TANGO6: variants seen among roughly 807,000 people sequenced by gnomAD.
The protein encoded by TANGO6 is transport and golgi organization 6 homolog.
Under a neutral mutation model 114.2 loss-of-function variants are expected in TANGO6, and 90 were observed. The ratio of observed to expected loss-of-function variants is 0.79; its 90% confidence interval spans 0.66 to 0.94. TANGO6 has a LOEUF of 0.94. Ranked by LOEUF, TANGO6 falls within the 40% of genes least tolerant of loss-of-function variation. TANGO6 has a pLI of 0.00. For synonymous variants in TANGO6, 477 were observed against 509.8 expected, an observed-to-expected ratio of 0.94 and a Z score of 0.87; for missense variants, 1,274 against 1,315.3, an observed-to-expected ratio of 0.97 and a Z score of 0.49.
intron 17 of TANGO6, among the ~76,000 whole-genome samples, chr16:69,078,842 A>G (rs1319156423): frequency 6.6e-6 from 1 of 151,966 alleles, no homozygotes; most frequent in Non-Finnish European, 1.5e-5. Context: ...CCTTGGTTCC[A>G]GTGATTCTCC....
chr16:68,873,003 A>T (rs867842951), intron 4 of TANGO6, among the ~76,000 whole-genome samples: 2 of 151,580 alleles, frequency 1.3e-5, no homozygotes, highest in African/African-American at 4.8e-5. Context: ...GCACCCGGCC[A>T]GAAGTCACTT....
chr16:68,909,572 C>T (rs376870939), intron 11 of TANGO6, 170 bp downstream of exon 11: 19 of 508,098 alleles, frequency 3.7e-5, no homozygotes, highest in South Asian at 2.9e-4. Context: ...GAATCCAAAA[C>T]GTTCCAGTGT....
chr16:69,054,877 C>T (rs540202675), intron 17 of TANGO6, among the ~76,000 whole-genome samples: 46 of 140,526 alleles, frequency 3.3e-4, no homozygotes, highest in African/African-American at 1.1e-3. Context: ...GGAGGCGGAG[C>T]TTGCAGTGAG....
At chr16:68,950,432 A>G (rs1044471544) in intron 14 of TANGO6, among the ~76,000 whole-genome samples, 5 of 151,900 alleles carry the variant, frequency 3.3e-5, no homozygotes, top group Admixed American at 2.6e-4. Flanking sequence ...TGGGCATAGT[A>G]TGGGTTCCTA....
At chr16:69,072,110 A>G (rs1254688444) in intron 17 of TANGO6, among the ~76,000 whole-genome samples, 1 of 134,032 alleles carries the variant, frequency 7.5e-6, no homozygotes, top group Non-Finnish European at 1.6e-5. Flanking sequence ...ATGTGTGAAG[A>G]GAGAGGGAGA....
intron 9 of TANGO6, among the ~76,000 whole-genome samples, chr16:68,903,092 G>A (rs1312416713): frequency 6.6e-6 from 1 of 152,134 alleles, no homozygotes; most frequent in Non-Finnish European, 1.5e-5. Flanking sequence ...GTTGGTCATA[G>A]TCCATGTAAC....
At chr16:68,986,711 C>A (rs963328180) in intron 15 of TANGO6, among the ~76,000 whole-genome samples, 6 of 152,080 alleles carry the variant, frequency 3.9e-5, no homozygotes, top group Non-Finnish European at 5.9e-5. Flanking sequence ...TCAAGACCTG[C>A]CTGGCCAATG....
intron 12 of TANGO6, among the ~76,000 whole-genome samples, chr16:68,922,939 GTTTTTTTTTTTT>G (rs531603542): frequency 1.6e-4 from 13 of 79,052 alleles, no homozygotes; most frequent in African/African-American, 5.8e-4. Context: ...CTTAGGTCAT[GTTTTTTTTTTTT>G]TTTTTTTTTT....
intron 17 of TANGO6, among the ~76,000 whole-genome samples, chr16:69,045,167 A>AAG (rs1464842399): frequency 6.7e-6 from 1 of 150,072 alleles, no homozygotes; most frequent in Non-Finnish European, 1.5e-5. Flanking sequence ...AAAAAAAAAA[A>AAG]AAAAAAGCTG....
At chr16:68,876,493 G>T (rs1449051556) in intron 5 of TANGO6, among the ~76,000 whole-genome samples, 1 of 152,058 alleles carries the variant, frequency 6.6e-6, no homozygotes, top group Non-Finnish European at 1.5e-5. Flanking sequence ...ATAGCATGCA[G>T]CATGCCCTCT....
intron 1 of TANGO6, among the ~76,000 whole-genome samples, chr16:68,847,669 G>A (rs1961835003): frequency 6.6e-6 from 1 of 152,110 alleles, no homozygotes; most frequent in South Asian, 2.1e-4. Context: ...AGATATTCAT[G>A]CCAGTGGGTC....
At chr16:68,966,741 C>G (rs1285352728) in intron 14 of TANGO6, among the ~76,000 whole-genome samples, 1 of 149,936 alleles carries the variant, frequency 6.7e-6, no homozygotes, top group Non-Finnish European at 1.5e-5. Flanking sequence ...GTAGTTAGGA[C>G]TAGAGGCATG....
intron 7 of TANGO6, among the ~76,000 whole-genome samples, chr16:68,886,577 C>T (rs1962542094): frequency 6.6e-6 from 1 of 152,090 alleles, no homozygotes; most frequent in Non-Finnish European, 1.5e-5. Flanking sequence ...GGCATGATCT[C>T]AGCTCACTGC....
chr16:68,883,717 G>C (rs1962496123), intron 7 of TANGO6, among the ~76,000 whole-genome samples: 1 of 152,134 alleles, frequency 6.6e-6, no homozygotes, highest in Non-Finnish European at 1.5e-5. Context: ...ATGTTTTACT[G>C]TTTGAGGCAC....
chr16:68,881,883 A>T (rs1279894796), intron 7 of TANGO6, among the ~76,000 whole-genome samples: 1 of 152,174 alleles, frequency 6.6e-6, no homozygotes, highest in Non-Finnish European at 1.5e-5. Context: ...GTGGTGGCTT[A>T]TGCCTATAAT....
At chr16:68,856,197 T>C (rs977509678) in intron 1 of TANGO6, among the ~76,000 whole-genome samples, 2 of 152,218 alleles carry the variant, frequency 1.3e-5, no homozygotes, top group Non-Finnish European at 2.9e-5. Flanking sequence ...ATCCTGTGTT[T>C]ATTTTACTTC....
At chr16:69,029,895 G>T (rs1425362369) in intron 16 of TANGO6, among the ~76,000 whole-genome samples, 1 of 151,376 alleles carries the variant, frequency 6.6e-6, no homozygotes, top group African/African-American at 2.4e-5. Flanking sequence ...ATCACCTAAG[G>T]TCAGGAGTTC....
chr16:68,977,314 T>C (rs1160648210), intron 15 of TANGO6, among the ~76,000 whole-genome samples: 3 of 125,130 alleles, frequency 2.4e-5, no homozygotes, highest in African/African-American at 6.5e-5. Context: ...TTGTTTTTGT[T>C]TTTTTTTTTC....
intron 14 of TANGO6, among the ~76,000 whole-genome samples, chr16:68,939,273 C>G (rs1209270570): frequency 6.6e-6 from 1 of 151,840 alleles, no homozygotes; most frequent in Non-Finnish European, 1.5e-5. Flanking sequence ...GCCTGTAATC[C>G]CAGCTACTTG....
Sources: gnomAD v4.1 joint callset for allele counts (sites outside exome capture counted in the v4.1 genomes callset) on GRCh38, gnomAD v4.1.1 for gene constraint, MANE v1.5 for transcripts, NCBI Gene and HGNC (gene_info 2026-07-23, HGNC 2026-07-21) for gene names.